WDFY4: variants seen among roughly 807,000 people sequenced by gnomAD.
The protein encoded by WDFY4 is WD repeat- and FYVE domain-containing protein 4.
In WDFY4, 169 loss-of-function variants were observed where a neutral mutation model predicts 351.9. The observed-to-expected ratio is 0.48, with a 90% confidence interval of 0.42 to 0.55. WDFY4 has a LOEUF of 0.55. Ranked by LOEUF, WDFY4 falls within the 20% of genes least tolerant of loss-of-function variation. WDFY4 has a pLI of 0.00. For missense variants in WDFY4, 3,803 were observed against 3,935.6 expected, an observed-to-expected ratio of 0.97 and a Z score of 0.90; for synonymous variants, 1,622 against 1,574.6, an observed-to-expected ratio of 1.03 and a Z score of -0.71.
chr10:48,945,823 A>G (rs1053632581), intron 49 of WDFY4, among the ~76,000 whole-genome samples: 1 of 152,236 alleles, frequency 6.6e-6, no homozygotes, highest in African/African-American at 2.4e-5. Flanking sequence ...GTGTGAACTC[A>G]GTCTTCCCCT....
chr10:48,761,880 C>T (rs1256490436), intron 13 of WDFY4, among the ~76,000 whole-genome samples: 1 of 152,152 alleles, frequency 6.6e-6, no homozygotes. Context: ...GCAGTTTTGT[C>T]GAGGGCATCA....
chr10:48,844,220 G>A (rs1160559791), intron 39 of WDFY4, among the ~76,000 whole-genome samples: 1 of 152,230 alleles, frequency 6.6e-6, no homozygotes, highest in African/African-American at 2.4e-5. Flanking sequence ...GGGGGTTGAT[G>A]TAAACTTGGC....
At chr10:48,763,508 T>C (rs1257265852) in intron 13 of WDFY4, among the ~76,000 whole-genome samples, 1 of 152,264 alleles carries the variant, frequency 6.6e-6, no homozygotes, top group Non-Finnish European at 1.5e-5. Context: ...AGTCAAACAG[T>C]TGCTGATGGA....
chr10:48,768,475 C>T (rs1007673437), intron 13 of WDFY4, among the ~76,000 whole-genome samples: 18 of 152,172 alleles, frequency 1.2e-4, no homozygotes, highest in African/African-American at 3.6e-4. Context: ...TTCCTTTCCC[C>T]GAAAGCCCAT....
chr10:48,876,973 C>T lies in WDFY4; in HGVS notation c.7001-60C>T, dbSNP rs1028883160. The T allele has an allele frequency of 1.8e-5, 25 of 1,422,620 alleles. No individual in the cohort carries two copies. The Admixed American group carries it at 3.3e-4, about 19-fold the overall frequency. 88.1% of individuals were successfully genotyped at this position (1,422,620 alleles called of 1,614,324 possible). On this transcript the variant is annotated intron_variant, in intron 42 of 61. Coordinates refer to ENST00000325239, the MANE Select transcript of WDFY4 (RefSeq NM_001394531.1). ...GGTGATGTAGGCACATGCTGTGCACCGGCCCTTACCATGTCAGGTGGCTCC... is the reference window on the plus strand; with the variant it reads ...GGTGATGTAGGCACATGCTGTGCACTGGCCCTTACCATGTCAGGTGGCTCC...
intron 49 of WDFY4, among the ~76,000 whole-genome samples, chr10:48,944,365 A>G (rs1213366261): frequency 1.3e-5 from 2 of 152,244 alleles, no homozygotes; most frequent in African/African-American, 4.8e-5. Context: ...GCGCCCCAGC[A>G]GGCAGGGAAA....
chr10:48,702,723 A>G (rs2063514776), intron 1 of WDFY4, among the ~76,000 whole-genome samples: 1 of 152,128 alleles, frequency 6.6e-6, no homozygotes, highest in Non-Finnish European at 1.5e-5. Context: ...TTTTTGTAGG[A>G]GCATAAGTTT....
At chr10:48,958,446 C>A (rs543494946) in intron 52 of WDFY4, among the ~76,000 whole-genome samples, 44 of 152,300 alleles carry the variant, frequency 2.9e-4, no homozygotes, top group African/African-American at 9.9e-4. Context: ...AGAGTACCCA[C>A]TCTGTCTTGG....
At chr10:48,773,097 A>G (rs1248248985) in intron 13 of WDFY4, among the ~76,000 whole-genome samples, 1 of 152,212 alleles carries the variant, frequency 6.6e-6, no homozygotes, top group South Asian at 2.1e-4. Flanking sequence ...ACAATGAGAT[A>G]CCATCTCACA....
In WDFY4 at chr10:48,815,072, G is replaced by A. The variant is rs78741013; in HGVS notation, c.5340+990G>A. On this transcript the variant is annotated intron_variant, in intron 31 of 61. Transcript: ENST00000325239. ...TTTCTGTCTTGATGACCTCTTTAGT[G>A]TATTCTGGGATGTAGTATAGCAGGT... Among the ~76,000 whole-genome samples, 175 of 152,320 alleles carry A rather than the reference G, an allele frequency of 1.1e-3. 3 individuals are homozygous for A. The East Asian group carries it at 0.031, about 27-fold the overall frequency.
intron 39 of WDFY4, among the ~76,000 whole-genome samples, chr10:48,852,771 C>T (rs967175984): frequency 2.0e-5 from 3 of 152,164 alleles, no homozygotes; most frequent in Admixed American, 6.5e-5. Context: ...TCAACTCAGC[C>T]GCTTCATGGG....
chr10:48,926,145 C>G (rs1201853858), intron 47 of WDFY4, among the ~76,000 whole-genome samples: 1 of 152,172 alleles, frequency 6.6e-6, no homozygotes, highest in African/African-American at 2.4e-5. Context: ...CATTGCTGGC[C>G]CCCACTGCCT....
chr10:48,747,085 A>G (rs999034915), intron 12 of WDFY4, among the ~76,000 whole-genome samples: 1 of 152,228 alleles, frequency 6.6e-6, no homozygotes, highest in African/African-American at 2.4e-5. Context: ...CTTGGATTTT[A>G]TTTGTCTGAA....
At position 48,978,248 on chromosome 10, in the gene WDFY4, C is replaced by T. The variant is rs931091956; in HGVS notation, c.9292-61C>T. On this transcript the variant is annotated intron_variant, in intron 59 of 61. Coordinates refer to ENST00000325239, the MANE Select transcript of WDFY4 (RefSeq NM_001394531.1). The stretch of plus-strand genomic sequence containing the variant: ...CTAGGCGTGAGGAAATGGACTAGGC[C>T]ACTCCAAGCTTGCAGACAGGATCGT... The T allele has an allele frequency of 5.3e-6, 8 of 1,515,870 alleles. No individual in the cohort carries two copies. In the African/African-American group the frequency reaches 9.7e-5, roughly 18 times the overall value. 93.9% of individuals were successfully genotyped at this position (1,515,870 alleles called of 1,614,324 possible). A position where few individuals can be genotyped will look rare whatever the true frequency, so the allele number is the denominator to read the frequency against.
chr10:48,969,380 T>C, intron 56 of WDFY4, 132 bp downstream of exon 56: 1 of 1,174,714 alleles, frequency 8.5e-7, no homozygotes, highest in Non-Finnish European at 1.2e-6. Context: ...GCTGCCAGCC[T>C]GGGCGGGAAA....
chr10:48,897,791 C>T (rs528798840), intron 45 of WDFY4, among the ~76,000 whole-genome samples: 8 of 152,378 alleles, frequency 5.3e-5, no homozygotes, highest in African/African-American at 1.9e-4. Context: ...CAGTCCTTGC[C>T]GTTGGCTGTT....
chr10:48,729,666 A>T, intron 8 of WDFY4, 77 bp downstream of exon 8: 1 of 1,498,446 alleles, frequency 6.7e-7, no homozygotes, highest in East Asian at 2.5e-5. Context: ...TCTTCTCCTG[A>T]TTCTTTGTGT....
intron 32 of WDFY4, among the ~76,000 whole-genome samples, chr10:48,819,289 A>G (rs17699445): frequency 0.11 from 16,948 of 152,188 alleles, 1,052 homozygotes; most frequent in South Asian, 0.16. Flanking sequence ...CCTTTGTTGT[A>G]TAGAAAACAT....
chr10:48,831,747 C>T (rs2068195741), intron 38 of WDFY4, among the ~76,000 whole-genome samples: 1 of 152,162 alleles, frequency 6.6e-6, no homozygotes, highest in African/African-American at 2.4e-5. Context: ...CTGGTGCCTG[C>T]TGAGGGCTGT....
Sources: gnomAD v4.1 joint callset for allele counts (sites outside exome capture counted in the v4.1 genomes callset) on GRCh38, gnomAD v4.1.1 for gene constraint, MANE v1.5 for transcripts, NCBI Gene and HGNC (gene_info 2026-07-23, HGNC 2026-07-21) for gene names.